Variants in USP25 observed in about 807,000 individuals in gnomAD.
USP25 encodes ubiquitin specific peptidase 25.
A neutral mutation model predicts 158.5 loss-of-function variants in USP25; 85 were observed. The ratio of observed to expected loss-of-function variants is 0.54; its 90% CI spans 0.45 to 0.64. The LOEUF (loss-of-function observed/expected upper bound fraction) is 0.64. USP25 is among the 30% of genes least tolerant of loss of function. The pLI, the probability that USP25 is intolerant of heterozygous loss-of-function variation, is 0.00. For synonymous variants in USP25, 464 were observed against 460.4 expected (o/e 1.01, Z -0.10); for missense variants, 1,242 against 1,327.3 (o/e 0.94, Z 1.00).
Position 15,864,373 on chromosome 21 carries a change from C to T in USP25, c.2653C>T (p.Gln885Ter), listed in dbSNP as rs1219430129. The change falls in exon 21 of 26, where the codon CAG becomes TAG. Residue 885 changes from glutamine (Q) to a stop codon, truncating the protein, a stop_gained. Coordinates refer to ENST00000400183, the MANE Select transcript of USP25 (RefSeq NM_001283041.3). LOFTEE classifies it high-confidence loss of function. ...TGTAGTGGTCTACTTTATCCAGAAC[C>T]AGGCACCAAAGAAAATTATTGAGAA... ...HHVVVYFIQN[Q>*]APKKIIEKTL... 5 of 1,612,656 alleles carry T rather than the reference C, an allele frequency of 3.1e-6. No homozygotes were observed. The highest frequency in any genetic ancestry group is 4.2e-6 in the Non-Finnish European group (5 of 1,179,670).
At chr21:15,739,058 G>T (rs1370229057) in intron 1 of USP25, among the ~76,000 whole-genome samples, 2 of 152,116 alleles carry the variant, frequency 1.3e-5, no homozygotes, top group Non-Finnish European at 2.9e-5. Context: ...TCTTGCTGAT[G>T]CCCCCAGCCG....
chr21:15,849,983 A>G (rs969703731), intron 20 of USP25, 111 bp downstream of exon 20: 17 of 788,924 alleles, frequency 2.2e-5, no homozygotes, highest in South Asian at 6.7e-5. Context: ...CTCTTTTCCT[A>G]TCTTAGTTAT....
chr21:15,791,140 AGTG>A (rs770008419), intron 4 of USP25, among the ~76,000 whole-genome samples: 15 of 151,946 alleles, frequency 9.9e-5, no homozygotes, highest in Non-Finnish European at 2.1e-4. Flanking sequence ...TGTTATAAAA[AGTG>A]GTCATCATGT....
At chr21:15,803,446 A>G (rs2036228124) in intron 6 of USP25, among the ~76,000 whole-genome samples, 2 of 151,824 alleles carry the variant, frequency 1.3e-5, no homozygotes, top group African/African-American at 4.8e-5. Context: ...AAATTGGTTT[A>G]GCTTTCAAAA....
At chr21:15,872,652 T>C (rs1187178889) in intron 23 of USP25, among the ~76,000 whole-genome samples, 4 of 152,226 alleles carry the variant, frequency 2.6e-5, no homozygotes, top group African/African-American at 9.6e-5. Flanking sequence ...AATAAAATGT[T>C]ATACTTAATC....
rs150822942 is a variant in USP25, at chr21:15,791,511, A to G, written c.402A>G (p.Glu134=). 1.4e-4 allele frequency: 218 copies of G among 1,602,960 alleles called. No homozygotes were observed. Among genetic ancestry groups the G allele is most frequent in the Non-Finnish European group, 1.8e-4 (211 of 1,174,712 alleles). ...TCCACCATTGATTAAGAGTTCTTGA[A>G]GCCAGCATAGCAGAGAATAAAGCAT... ...DEEQAISRVL[E]ASIAENKACL... Residue 134 remains glutamate (E), a synonymous_variant, in exon 5 of 26, where the codon GAA becomes GAG. Transcript: ENST00000400183.
rs559645025 is a variant in USP25 at position 15,771,671 on chromosome 21, A to AT, written c.268+5540dup. ...TTCCATTCTTCTGGTGGTCCAGGGT[A>AT]TTTTTTTTTTCTTTTTTTTTCCTTT... On this transcript the variant is annotated intron_variant, in intron 3 of 25. Coordinates refer to ENST00000400183, the MANE Select transcript of USP25 (RefSeq NM_001283041.3). Among the ~76,000 whole-genome samples, 599 of 137,438 alleles carry AT rather than the reference A, an allele frequency of 4.4e-3. 3 individuals are homozygous for AT. Among genetic ancestry groups the AT allele is most frequent in the African/African-American group, 0.016 (555 of 35,050 alleles). 90.2% of individuals were successfully genotyped at this position (137,438 alleles called of 152,430 possible).
At chr21:15,840,392 TTTTG>T in intron 17 of USP25, among the ~76,000 whole-genome samples, 1 of 152,282 alleles carries the variant, frequency 6.6e-6, no homozygotes, top group East Asian at 1.9e-4. Context: ...ATGTAATCTT[TTTTG>T]TTTTTTATAT....
At chr21:15,768,336 A>G (rs1054120225) in intron 3 of USP25, among the ~76,000 whole-genome samples, 6 of 152,148 alleles carry the variant, frequency 3.9e-5, no homozygotes, top group African/African-American at 1.4e-4. Context: ...CAATTGTACT[A>G]TGATAGTATC....
rs770340350 is a variant in USP25, at chr21:15,790,412, C to T, written c.393-1090C>T. 1.3e-5 allele frequency among the ~76,000 whole-genome samples: 2 copies of T among 151,808 alleles called. 1 individual carries two copies. Among genetic ancestry groups the T allele is most frequent in the East Asian group, 3.9e-4 (2 of 5,178 alleles). ...GTATTCACATGGATATTTTAGATTT[C>T]CTTGTATCTAATGTCTTGTGGTAAA... On this transcript the variant is annotated intron_variant, in intron 4 of 25. Coordinates refer to ENST00000400183, the MANE Select transcript of USP25 (RefSeq NM_001283041.3).
intron 3 of USP25, among the ~76,000 whole-genome samples, chr21:15,771,549 A>C (rs2034352979): frequency 6.6e-6 from 1 of 152,154 alleles, no homozygotes; most frequent in South Asian, 2.1e-4. Flanking sequence ...AGCCTTGTTG[A>C]AGCTGAATGA....
At chr21:15,774,656 G>A (rs963940943) in intron 3 of USP25, among the ~76,000 whole-genome samples, 6 of 152,098 alleles carry the variant, frequency 3.9e-5, no homozygotes, top group Admixed American at 6.5e-5. Context: ...TGGATATATC[G>A]CAGAAGTACT....
chr21:15,874,254 T>TC, intron 23 of USP25, 149 bp from the exon 24 acceptor site: 1 of 594,388 alleles, frequency 1.7e-6, no homozygotes, highest in Non-Finnish European at 2.5e-6. Flanking sequence ...AAAGGCGCTC[T>TC]CAAGCATACA....
chr21:15,778,301 CT>C (rs2034772555), intron 4 of USP25, among the ~76,000 whole-genome samples: 1 of 151,692 alleles, frequency 6.6e-6, no homozygotes, highest in Non-Finnish European at 1.5e-5. Context: ...TTCCCCTAAT[CT>C]TTTTTGGATG....
intron 1 of USP25, among the ~76,000 whole-genome samples, chr21:15,746,549 C>T (rs1395455637): frequency 3.3e-5 from 5 of 152,080 alleles, no homozygotes; most frequent in East Asian, 1.9e-4. Flanking sequence ...TGTGTGCCAC[C>T]ACACCCGGCT....
Position 15,774,382 on chromosome 21 carries a change from G to A in USP25, c.269-3522G>A, listed in dbSNP as rs1399620354. Among the ~76,000 whole-genome samples the A allele has an allele frequency of 4.6e-5, 7 of 152,264 alleles. No homozygotes were observed. The East Asian group carries it at 1.2e-3, about 25-fold the overall frequency. ...CCTTTAAGTATTGAGAAGATATCAA[G>A]CTCACAGTGGTAGAAACAAGTTTTT... On this transcript the variant is annotated intron_variant, in intron 3 of 25. Coordinates refer to ENST00000400183, the MANE Select transcript of USP25 (RefSeq NM_001283041.3).
In USP25 at chr21:15,864,341, T is replaced by G; in HGVS notation, c.2621T>G (p.Leu874Ter). 1 of 1,613,574 alleles carries G rather than the reference T, an allele frequency of 6.2e-7. No homozygotes were observed. The highest frequency in any genetic ancestry group is 8.5e-7 in the Non-Finnish European group (1 of 1,179,846). Residue 874 changes from leucine (L) to a stop codon, truncating the protein, a stop_gained, in exon 21 of 26, where the codon TTA becomes TGA. Coordinates refer to ENST00000400183, the MANE Select transcript of USP25 (RefSeq NM_001283041.3). LOFTEE classifies it high-confidence loss of function. ...EDTPPETDYR[L>*]HHVVVYFIQN... ...ACCCCACCAGAAACCGATTATCGTTTACATCATGTAGTGGTCTACTTTATC... is the reference window on the plus strand; with the variant it reads ...ACCCCACCAGAAACCGATTATCGTTGACATCATGTAGTGGTCTACTTTATC...
chr21:15,800,083 T>G (rs2036056952), intron 6 of USP25, among the ~76,000 whole-genome samples: 1 of 151,318 alleles, frequency 6.6e-6, no homozygotes, highest in African/African-American at 2.4e-5. Context: ...GTAATTTTTT[T>G]GGGGGGGACT....
chr21:15,859,758 T>G (rs544533911), intron 20 of USP25, among the ~76,000 whole-genome samples: 1 of 151,986 alleles, frequency 6.6e-6, no homozygotes, highest in East Asian at 1.9e-4. Context: ...TGTGTTATTC[T>G]TCAAGAAATT....
Sources: gnomAD v4.1 joint callset for allele counts (sites outside exome capture counted in the v4.1 genomes callset) on GRCh38, gnomAD v4.1.1 for gene constraint, MANE v1.5 for transcripts, NCBI Gene and HGNC (gene_info 2026-07-23, HGNC 2026-07-21) for gene names.